FNBP1L: variants seen among roughly 807,000 people sequenced by gnomAD.
The protein encoded by FNBP1L is formin-binding protein 1-like.
Under a neutral mutation model 91.2 loss-of-function variants are expected in FNBP1L, and 36 were observed. The observed-to-expected ratio is 0.39, with a 90% CI of 0.30 to 0.52. The LOEUF (loss-of-function observed/expected upper bound fraction) is 0.52. Ranked by LOEUF, FNBP1L falls within the 20% of genes least tolerant of loss-of-function variation. FNBP1L has a pLI of 0.66. For synonymous variants in FNBP1L, 242 were observed against 237.0 expected, an observed-to-expected ratio of 1.02 and a Z score of -0.19; for missense variants, 571 against 732.1, an observed-to-expected ratio of 0.78 and a Z score of 2.54.
chr1:93,551,960 A>G, intron 16 of FNBP1L: 1 of 988,142 alleles, frequency 1.0e-6, no homozygotes, highest in Non-Finnish European at 1.2e-6. Context: ...AAAAATACAC[A>G]TTTGAAGATA....
chr1:93,468,461 C>T (rs1260210968), intron 1 of FNBP1L, among the ~76,000 whole-genome samples: 1 of 152,148 alleles, frequency 6.6e-6, no homozygotes, highest in Non-Finnish European at 1.5e-5. Context: ...GACAGGGTCT[C>T]GCTCTGTCAT....
At chr1:93,501,816 G>T (rs904711318) in intron 2 of FNBP1L, among the ~76,000 whole-genome samples, 1 of 152,194 alleles carries the variant, frequency 6.6e-6, no homozygotes, top group South Asian at 2.1e-4. Context: ...AGAAGGCAGA[G>T]AATATAACAG....
At position 93,552,869 on chromosome 1, in the gene FNBP1L, A is replaced by C. The variant is rs1009318081; in HGVS notation, c.*453A>C. On this transcript the variant is annotated 3_prime_UTR_variant, in exon 17 of 17. Coordinates refer to ENST00000271234, the MANE Select transcript of FNBP1L (RefSeq NM_001164473.3). ...CCGTGCTTGCTTAACATCCTGTTGC[A>C]TGTCTAGCGTGATTGAGCTAGATTT... The C allele has an allele frequency of 6.4e-6, 1 of 156,442 alleles. No homozygotes were observed. Among genetic ancestry groups the C allele is most frequent in the African/African-American group, 2.4e-5 (1 of 41,614 alleles). The allele number at this position is 156,442 out of a possible 1,614,324, so 9.7% of individuals were successfully genotyped here.
intron 5 of FNBP1L, among the ~76,000 whole-genome samples, chr1:93,527,326 A>T (rs1671525297): frequency 6.6e-6 from 1 of 152,180 alleles, no homozygotes; most frequent in Admixed American, 6.6e-5. Context: ...CCAGAGCAGT[A>T]GGTGTCTGAG....
chr1:93,452,432 T>A (rs913115358), intron 1 of FNBP1L, among the ~76,000 whole-genome samples: 8 of 152,184 alleles, frequency 5.3e-5, no homozygotes, highest in Non-Finnish European at 1.2e-4. Flanking sequence ...GGTAAAAGGA[T>A]GGGGAAGAAA....
intron 4 of FNBP1L, 63 bp downstream of exon 4, chr1:93,523,554 G>T: frequency 8.4e-6 from 12 of 1,436,136 alleles, no homozygotes; most frequent in Admixed American, 4.7e-5. Flanking sequence ...GAAACACTTT[G>T]TTTTCTTTAA....
chr1:93,513,600 C>T (rs1043252884), intron 2 of FNBP1L, among the ~76,000 whole-genome samples: 26 of 151,458 alleles, frequency 1.7e-4, no homozygotes, highest in Admixed American at 5.3e-4. Flanking sequence ...CCCTGGGATG[C>T]AAGGCTGGTT....
chr1:93,450,842 A>T (rs756561587), intron 1 of FNBP1L, among the ~76,000 whole-genome samples: 1 of 152,176 alleles, frequency 6.6e-6, no homozygotes, highest in Non-Finnish European at 1.5e-5. Context: ...TTTTATTGCT[A>T]TTTTAATGCT....
intron 16 of FNBP1L, 123 bp downstream of exon 16, chr1:93,551,228 A>G: frequency 1.4e-6 from 2 of 1,391,780 alleles, no homozygotes; most frequent in Non-Finnish European, 1.9e-6. Context: ...AAGGGCATCC[A>G]AGATTAATTG....
At chr1:93,545,368 G>A (rs1672187428) in intron 12 of FNBP1L, among the ~76,000 whole-genome samples, 1 of 152,136 alleles carries the variant, frequency 6.6e-6, no homozygotes, top group South Asian at 2.1e-4. Context: ...GAACTTGAAT[G>A]TACCTCTGGT....
At chr1:93,507,181 CCAAA>C (rs909512440) in intron 2 of FNBP1L, among the ~76,000 whole-genome samples, 15 of 145,016 alleles carry the variant, frequency 1.0e-4, no homozygotes, top group South Asian at 2.3e-4. Context: ...CCCCACCCCC[CCAAA>C]CAATGTATCA....
chr1:93,515,448 A>C lies in FNBP1L; in HGVS notation c.141-6634A>C, dbSNP rs568708418. 6.6e-5 allele frequency among the ~76,000 whole-genome samples: 10 copies of C among 152,220 alleles called. No individual in the cohort carries two copies. In the South Asian group the frequency reaches 2.1e-3, roughly 32 times the overall value. ...CCAAAGGACTATAAATCATGCTGCTATAAAGACACATGCACACGTATATTT... is the reference window on the plus strand; with the variant it reads ...CCAAAGGACTATAAATCATGCTGCTCTAAAGACACATGCACACGTATATTT... On this transcript the variant is annotated intron_variant, in intron 2 of 16. Coordinates refer to ENST00000271234, the MANE Select transcript of FNBP1L (RefSeq NM_001164473.3).
At chr1:93,500,915 G>A (rs1339952371) in intron 2 of FNBP1L, among the ~76,000 whole-genome samples, 3 of 152,120 alleles carry the variant, frequency 2.0e-5, no homozygotes, top group Non-Finnish European at 4.4e-5. Flanking sequence ...CCACATGAGA[G>A]TATAAACAGG....
At chr1:93,514,058 C>G (rs1286468811) in intron 2 of FNBP1L, among the ~76,000 whole-genome samples, 2 of 151,824 alleles carry the variant, frequency 1.3e-5, no homozygotes, top group African/African-American at 4.8e-5. Flanking sequence ...AGCTGATAAG[C>G]AACTTCAGCA....
chr1:93,511,965 C>CAAAAAA (rs34752421), intron 2 of FNBP1L, among the ~76,000 whole-genome samples: 2 of 66,288 alleles, frequency 3.0e-5, no homozygotes, highest in African/African-American at 5.7e-5. Flanking sequence ...GACTCCGTCT[C>CAAAAAA]AAAAAAAAAA....
At chr1:93,551,674 G>A in intron 16 of FNBP1L, 17 of 985,028 alleles carry the variant, frequency 1.7e-5, no homozygotes, top group Non-Finnish European at 2.0e-5. Context: ...CCTAAAGGAA[G>A]AAAATGAGCA....
intron 1 of FNBP1L, among the ~76,000 whole-genome samples, chr1:93,463,144 C>T (rs566440534): frequency 1.3e-5 from 2 of 152,242 alleles, no homozygotes; most frequent in South Asian, 4.1e-4. Flanking sequence ...TAACACACTG[C>T]CATCAATAAG....
chr1:93,549,461 A>G (rs1254529651), intron 15 of FNBP1L, 35 bp downstream of exon 15: 4 of 1,485,104 alleles, frequency 2.7e-6, no homozygotes, highest in South Asian at 2.8e-5. Context: ...ATGTAAAAAA[A>G]TTGGTTCTTT....
intron 1 of FNBP1L, among the ~76,000 whole-genome samples, chr1:93,484,386 G>T (rs1249286488): frequency 1.3e-5 from 2 of 152,180 alleles, no homozygotes; most frequent in Non-Finnish European, 2.9e-5. Context: ...GGGGAAAACA[G>T]ACTAGAGTAA....
Sources: allele counts gnomAD v4.1 joint callset (sites outside exome capture counted in the v4.1 genomes callset), GRCh38; gene constraint gnomAD v4.1.1; transcripts MANE v1.5; gene names NCBI Gene and HGNC (gene_info 2026-07-23, HGNC 2026-07-21).